The following SPOCK1 variants were observed in gnomAD, a reference collection of about 807,000 sequenced individuals.
SPOCK1 encodes the protein testican-1.
SPOCK1 carries 23 observed loss-of-function variants against 55.3 expected under a neutral mutation model. The ratio of observed to expected loss-of-function variants is 0.42; its 90% confidence interval spans 0.30 to 0.59. The LOEUF (loss-of-function observed/expected upper bound fraction) is 0.59, where lower values mean the gene tolerates loss of function less well. Among genes scored for constraint, SPOCK1 ranks in the 20% least tolerant of loss-of-function variants. The pLI, the probability that SPOCK1 is intolerant of heterozygous loss-of-function variation, is 0.22. For synonymous variants in SPOCK1, 226 were observed against 221.0 expected (o/e 1.02, Z -0.20); for missense variants, 499 against 552.5 (o/e 0.90, Z 0.97).
At chr5:137,186,395 C>A (rs1755070241) in intron 3 of SPOCK1, among the ~76,000 whole-genome samples, 1 of 152,170 alleles carries the variant, frequency 6.6e-6, no homozygotes, top group African/African-American at 2.4e-5. Context: ...AGGGCTAGGA[C>A]TGCTCCTGCT....
chr5:137,302,561 A>G (rs1030575910), intron 2 of SPOCK1, among the ~76,000 whole-genome samples: 14 of 151,290 alleles, frequency 9.3e-5, no homozygotes, highest in South Asian at 4.2e-4. Context: ...TGGGCAACAG[A>G]GTGAGACTCC....
At chr5:136,986,025 T>C (rs1353483659) in intron 8 of SPOCK1, among the ~76,000 whole-genome samples, 1 of 152,142 alleles carries the variant, frequency 6.6e-6, no homozygotes, top group African/African-American at 2.4e-5. Context: ...CACTTGCATA[T>C]AAAGTATCTA....
intron 4 of SPOCK1, among the ~76,000 whole-genome samples, chr5:137,126,847 AG>A (rs1355158506): frequency 6.6e-6 from 1 of 152,238 alleles, no homozygotes; most frequent in Non-Finnish European, 1.5e-5. Flanking sequence ...TGTCTGTGGA[AG>A]GTAGAACTTG....
chr5:137,071,825 C>T (rs1752620383), intron 5 of SPOCK1, among the ~76,000 whole-genome samples: 1 of 152,170 alleles, frequency 6.6e-6, no homozygotes, highest in South Asian at 2.1e-4. Flanking sequence ...CTCCCTCCTC[C>T]CTTCTCCCAG....
At chr5:137,364,787 G>A (rs1751021704) in intron 2 of SPOCK1, among the ~76,000 whole-genome samples, 1 of 152,170 alleles carries the variant, frequency 6.6e-6, no homozygotes, top group Admixed American at 6.5e-5. Context: ...GCCAAGACTT[G>A]GAATTAGCCA....
At chr5:137,178,092 T>C (rs1202561133) in intron 3 of SPOCK1, among the ~76,000 whole-genome samples, 3 of 152,168 alleles carry the variant, frequency 2.0e-5, no homozygotes, top group Non-Finnish European at 4.4e-5. Flanking sequence ...CCCTAGCCCA[T>C]CTCACCATCC....
At chr5:137,079,541 C>A (rs375781289) in intron 5 of SPOCK1, among the ~76,000 whole-genome samples, 57 of 149,588 alleles carry the variant, frequency 3.8e-4, no homozygotes, top group African/African-American at 1.3e-3. Flanking sequence ...ATTCCCCCCC[C>A]CCCCGACTTA....
rs1485417959 is a variant in SPOCK1 at position 136,977,891 on chromosome 5, A to C, written c.*763T>G. The C allele has an allele frequency of 2.5e-6, 1 of 398,796 alleles. No homozygotes were observed. The highest frequency in any genetic ancestry group is 4.4e-6 in the Non-Finnish European group (1 of 226,054). The allele number at this position is 398,796 out of a possible 1,614,324, so 24.7% of individuals were successfully genotyped here. On this transcript the variant is annotated 3_prime_UTR_variant, in exon 11 of 11. Coordinates refer to ENST00000394945, the MANE Select transcript of SPOCK1 (RefSeq NM_004598.4). ...AGAAATTTTGTTCCAGGTCTGGACA[A>C]GCTGAGAAATTTATCATTGTTTTTC...
chr5:137,399,451 A>G (rs1006051238), intron 2 of SPOCK1, among the ~76,000 whole-genome samples: 2 of 152,112 alleles, frequency 1.3e-5, no homozygotes, highest in African/African-American at 4.8e-5. Context: ...CGTTTAATCT[A>G]TATGACTTGG....
chr5:137,383,280 T>C (rs1485696388), intron 2 of SPOCK1, among the ~76,000 whole-genome samples: 1 of 152,206 alleles, frequency 6.6e-6, no homozygotes, highest in African/African-American at 2.4e-5. Context: ...GCCTGGTACT[T>C]GGCAGGGCTC....
chr5:137,067,525 G>T (rs946413200), intron 6 of SPOCK1, among the ~76,000 whole-genome samples, 190 bp downstream of exon 6: 2 of 152,110 alleles, frequency 1.3e-5, no homozygotes, highest in Non-Finnish European at 2.9e-5. Context: ...ATTTTCAAAG[G>T]CTCTTGTTCA....
chr5:137,111,284 G>A (rs1485688646), intron 5 of SPOCK1, among the ~76,000 whole-genome samples: 1 of 152,160 alleles, frequency 6.6e-6, no homozygotes, highest in Non-Finnish European at 1.5e-5. Flanking sequence ...CCATGCAGCA[G>A]TGTGGCCAGG....
At chr5:137,114,646 G>T (rs1753543216) in intron 4 of SPOCK1, among the ~76,000 whole-genome samples, 1 of 152,246 alleles carries the variant, frequency 6.6e-6, no homozygotes, top group African/African-American at 2.4e-5. Context: ...TCCTTGTGGT[G>T]AAAGAGGGGG....
chr5:137,187,186 A>T (rs1410055447), intron 3 of SPOCK1, among the ~76,000 whole-genome samples: 1 of 152,160 alleles, frequency 6.6e-6, no homozygotes, highest in Non-Finnish European at 1.5e-5. Flanking sequence ...TACAAATACC[A>T]GCCTCATGCT....
intron 2 of SPOCK1, among the ~76,000 whole-genome samples, chr5:137,286,047 TA>T (rs1309966228): frequency 6.6e-6 from 1 of 152,214 alleles, no homozygotes; most frequent in East Asian, 1.9e-4. Context: ...CATCCTGCTC[TA>T]AACAGACTAC....
At chr5:137,190,466 T>C (rs1410550624) in intron 3 of SPOCK1, among the ~76,000 whole-genome samples, 4 of 152,232 alleles carry the variant, frequency 2.6e-5, no homozygotes, top group Admixed American at 1.3e-4. Context: ...CAATAAAATA[T>C]TTTTAAATTA....
At chr5:137,349,958 C>A (rs1750640333) in intron 2 of SPOCK1, among the ~76,000 whole-genome samples, 1 of 152,122 alleles carries the variant, frequency 6.6e-6, no homozygotes, top group South Asian at 2.1e-4. Context: ...ACAATTCAAG[C>A]CATAGCGTGG....
At chr5:137,468,790 G>A (rs116003127) in intron 2 of SPOCK1, among the ~76,000 whole-genome samples, 2,196 of 152,244 alleles carry the variant, frequency 0.014, 27 homozygotes, top group Non-Finnish European at 0.025. Flanking sequence ...CAGGGAGAAC[G>A]AAGCAGGCAT....
At chr5:137,463,519 A>C (rs1300398019) in intron 2 of SPOCK1, among the ~76,000 whole-genome samples, 1 of 59,842 alleles carries the variant, frequency 1.7e-5, no homozygotes, top group Non-Finnish European at 3.1e-5. Flanking sequence ...GAGGCTGGCA[A>C]GGGTAGTGGG....
Sources: allele counts gnomAD v4.1 joint callset (sites outside exome capture counted in the v4.1 genomes callset), GRCh38; gene constraint gnomAD v4.1.1; transcripts MANE v1.5; gene names NCBI Gene and HGNC (gene_info 2026-07-23, HGNC 2026-07-21).